The following SLC60A1 variants were observed in gnomAD, a reference collection of about 807,000 sequenced individuals.
SLC60A1 encodes the protein major facilitator superfamily domain containing 4.
the SLC60A1 span, chr1:205,592,302 C>T: frequency 1.2e-6 from 2 of 1,600,870 alleles, no homozygotes; most frequent in Non-Finnish European, 1.7e-6. Context: ...GGGCCGGGCC[C>T]GAGCCAGGAG....
the SLC60A1 span, chr1:205,601,856 T>G: frequency 3.5e-4 from 54 of 152,422 alleles, no homozygotes; most frequent in African/African-American, 1.3e-3. Context: ...GTGCTGGGAT[T>G]ACAGGCGTGA....
At chr1:205,578,529 G>A in the SLC60A1 span, among the ~76,000 whole-genome samples, 1 of 152,160 alleles carries the variant, frequency 6.6e-6, no homozygotes, top group Non-Finnish European at 1.5e-5. Flanking sequence ...CTGGAAACAA[G>A]AAAGGAGAAA....
the SLC60A1 span, among the ~76,000 whole-genome samples, chr1:205,589,487 TTTTTTC>T: frequency 6.6e-6 from 1 of 152,228 alleles, no homozygotes; most frequent in South Asian, 2.1e-4. Context: ...TTGCATTTTC[TTTTTTC>T]TTTTTATTTT....
the SLC60A1 span, chr1:205,602,127 A>C: frequency 6.6e-6 from 1 of 152,248 alleles, no homozygotes; most frequent in Non-Finnish European, 1.5e-5. Context: ...TGGCTATTAG[A>C]GTAACTGTAT....
the SLC60A1 span, among the ~76,000 whole-genome samples, chr1:205,570,958 G>C: frequency 6.6e-6 from 1 of 152,274 alleles, no homozygotes; most frequent in African/African-American, 2.4e-5. Context: ...CACCCAGCTG[G>C]GCCATCTCTT....
At chr1:205,584,563 AAAAG>A in the SLC60A1 span, among the ~76,000 whole-genome samples, 26 of 70,256 alleles carry the variant, frequency 3.7e-4, no homozygotes, top group African/African-American at 1.4e-3. Context: ...AAAAAAAAAA[AAAAG>A]AAAATCTTGG....
the SLC60A1 span, among the ~76,000 whole-genome samples, chr1:205,571,727 G>C: frequency 2.6e-5 from 4 of 152,182 alleles, no homozygotes; most frequent in African/African-American, 9.6e-5. Context: ...AGCTCCACCA[G>C]CCCTGCAACA....
the SLC60A1 span, chr1:205,585,964 G>T: frequency 6.7e-7 from 1 of 1,486,912 alleles, no homozygotes; most frequent in African/African-American, 1.4e-5. This position sits in a 1 kb window ranked among gnomAD's most constrained non-coding sequence, Gnocchi z 4.2. Context: ...GCCCAGCCTG[G>T]GCTCCCTTTG....
At chr1:205,602,754 G>A in the SLC60A1 span, 1 of 152,150 alleles carries the variant, frequency 6.6e-6, no homozygotes, top group Non-Finnish European at 1.5e-5. Flanking sequence ...TGAAAAAGCA[G>A]TTGTATTTTT....
the SLC60A1 span, among the ~76,000 whole-genome samples, chr1:205,587,173 G>A: frequency 1.3e-5 from 2 of 152,238 alleles, no homozygotes; most frequent in South Asian, 4.1e-4. Flanking sequence ...AAATTGTCTA[G>A]TCCAACCTCC....
chr1:205,574,561 T>G, the SLC60A1 span, among the ~76,000 whole-genome samples: 8 of 152,166 alleles, frequency 5.3e-5, no homozygotes, highest in African/African-American at 1.9e-4. Flanking sequence ...TAAAAGTCGC[T>G]GCACTCTTGG....
chr1:205,593,418 C>CCGA, the SLC60A1 span, among the ~76,000 whole-genome samples: 300 of 59,758 alleles, frequency 5.0e-3, 2 homozygotes, highest in Middle Eastern at 6.8e-3. Context: ...TTGCAGTGAG[C>CCGA]ACTCCAGCCT....
chr1:205,598,028 C>A, the SLC60A1 span: 1 of 607,660 alleles, frequency 1.6e-6, no homozygotes, highest in African/African-American at 1.8e-5. Flanking sequence ...GCCCTGAGAG[C>A]TGAGCCTCCA....
At chr1:205,569,020 C>T in the SLC60A1 span, 2 of 1,280,588 alleles carry the variant, frequency 1.6e-6, no homozygotes, top group Non-Finnish European at 1.0e-6. Context: ...GGGCGGCACT[C>T]GGGCACCGGG....
At chr1:205,588,489 A>AAAG in the SLC60A1 span, among the ~76,000 whole-genome samples, 98 of 139,866 alleles carry the variant, frequency 7.0e-4, no homozygotes, top group African/African-American at 2.7e-3. Context: ...AAAAAAAAAA[A>AAAG]AGAAAGAGAA....
At chr1:205,592,244 C>T in the SLC60A1 span, 339,234 of 1,613,838 alleles carry the variant, frequency 0.21, 38,485 homozygotes, top group Non-Finnish European at 0.23. Context: ...GCAGCACCTT[C>T]CCCAGCATGC....
chr1:205,580,175 G>T, the SLC60A1 span, among the ~76,000 whole-genome samples: 2 of 152,158 alleles, frequency 1.3e-5, no homozygotes, highest in Non-Finnish European at 2.9e-5. This position sits in a 1 kb window ranked among gnomAD's most constrained non-coding sequence, Gnocchi z 5.0. Flanking sequence ...TTTGCGAACT[G>T]GAAAGGTGGT....
the SLC60A1 span, among the ~76,000 whole-genome samples, chr1:205,582,179 C>T: frequency 2.6e-5 from 4 of 152,220 alleles, no homozygotes; most frequent in East Asian, 3.9e-4. Flanking sequence ...GAGAGACCTG[C>T]GAAGGAAAGG....
At chr1:205,572,180 G>T in the SLC60A1 span, among the ~76,000 whole-genome samples, 1 of 152,212 alleles carries the variant, frequency 6.6e-6, no homozygotes, top group Non-Finnish European at 1.5e-5. Flanking sequence ...CACCTGGTTG[G>T]CAAGGGTGTG....
Sources: allele counts gnomAD v4.1 joint callset (sites outside exome capture counted in the v4.1 genomes callset), GRCh38; gene constraint gnomAD v4.1.1; non-coding constraint Gnocchi (gnomAD v3.1); transcripts MANE v1.5; gene names NCBI Gene and HGNC (gene_info 2026-07-23, HGNC 2026-07-21).